Variants in NXPE4 observed in about 807,000 individuals in gnomAD.
NXPE4 encodes the protein neurexophilin and PC-esterase domain family member 4.
A neutral mutation model predicts 33.3 loss-of-function variants in NXPE4; 42 were observed. The observed-to-expected ratio is 1.26, with a 90% confidence interval of 0.98 to 1.63. The LOEUF is 1.63. Among genes scored for constraint, NXPE4 ranks in the 40% most tolerant of loss-of-function variants. NXPE4 has a pLI of 0.00. For synonymous variants in NXPE4, 253 were observed against 234.9 expected, an observed-to-expected ratio of 1.08 and a Z score of -0.71; for missense variants, 709 against 647.6, an observed-to-expected ratio of 1.09 and a Z score of -1.03.
chr11:114,626,403 C>A, the NXPE4 span, among the ~76,000 whole-genome samples: 1 of 152,304 alleles, frequency 6.6e-6, no homozygotes, highest in Admixed American at 6.5e-5. Flanking sequence ...GAGGCACCCC[C>A]CAACAGGGGC....
the NXPE4 span, among the ~76,000 whole-genome samples, chr11:114,610,303 G>C: frequency 6.6e-6 from 1 of 151,524 alleles, no homozygotes. Flanking sequence ...GTTGCCTAGT[G>C]TGTAACCACT....
At chr11:114,583,387 T>G in intron 2 of NXPE4, 1 of 625,590 alleles carries the variant, frequency 1.6e-6, no homozygotes, top group South Asian at 1.5e-5. Flanking sequence ...TGCTCAACTA[T>G]GGTTTCTACT....
the NXPE4 span, among the ~76,000 whole-genome samples, chr11:114,654,083 T>C: frequency 4.6e-5 from 7 of 152,100 alleles, no homozygotes; most frequent in Non-Finnish European, 1.0e-4. Context: ...TGAAGGTATG[T>C]ACAAAGAAGC....
At chr11:114,597,673 C>T (rs1591360311), upstream of NXPE4, among the ~76,000 whole-genome samples, 1 of 151,870 alleles carries the variant, frequency 6.6e-6, no homozygotes, top group African/African-American at 2.4e-5. Flanking sequence ...CTGGTTGATT[C>T]CATCACTTTG....
chr11:114,653,668 C>T, the NXPE4 span, among the ~76,000 whole-genome samples: 1 of 151,508 alleles, frequency 6.6e-6, no homozygotes. Flanking sequence ...GCTGGGACTA[C>T]AGGCGCCCAC....
the NXPE4 span, among the ~76,000 whole-genome samples, chr11:114,601,476 ATAAAT>A: frequency 1.1e-5 from 1 of 92,894 alleles, no homozygotes; most frequent in African/African-American, 4.0e-5. Context: ...TAAAATTTAT[ATAAAT>A]TAAATATTTA....
the NXPE4 span, among the ~76,000 whole-genome samples, chr11:114,629,169 T>G: frequency 6.6e-6 from 1 of 152,084 alleles, no homozygotes; most frequent in African/African-American, 2.4e-5. Context: ...CTAACTCATT[T>G]TATGAGGCCA....
At chr11:114,580,101 G>T in intron 5 of NXPE4, 31 bp downstream of exon 5, 1 of 1,541,898 alleles carries the variant, frequency 6.5e-7, no homozygotes, top group Non-Finnish European at 9.0e-7. Flanking sequence ...TTCTGAAAGG[G>T]GTAAGAATTA....
chr11:114,585,607 G>A (rs552690531), intron 2 of NXPE4, among the ~76,000 whole-genome samples: 3 of 151,970 alleles, frequency 2.0e-5, no homozygotes, highest in Non-Finnish European at 2.9e-5. Context: ...GTGTGTGTGT[G>A]TGTATATATA....
At chr11:114,588,948 G>T (rs574784988) in intron 2 of NXPE4, among the ~76,000 whole-genome samples, 1 of 152,082 alleles carries the variant, frequency 6.6e-6, no homozygotes, top group Non-Finnish European at 1.5e-5. Flanking sequence ...ACCTCCTGAG[G>T]GTGGCCACCT....
chr11:114,674,164 G>A, the NXPE4 span, among the ~76,000 whole-genome samples: 1 of 151,752 alleles, frequency 6.6e-6, no homozygotes, highest in African/African-American at 2.4e-5. Flanking sequence ...AAATGCCTTA[G>A]TAGTCTTTTA....
the NXPE4 span, among the ~76,000 whole-genome samples, chr11:114,669,273 A>G: frequency 2.0e-5 from 3 of 152,104 alleles, no homozygotes; most frequent in African/African-American, 4.8e-5. Flanking sequence ...AAAATCTTCT[A>G]TATCTCAGTT....
chr11:114,589,173 G>C (rs2135272173), intron 2 of NXPE4, among the ~76,000 whole-genome samples: 1 of 152,238 alleles, frequency 6.6e-6, no homozygotes, highest in Non-Finnish European at 1.5e-5. Flanking sequence ...AGCCTGTGGT[G>C]GGGACCACTG....
the NXPE4 span, among the ~76,000 whole-genome samples, chr11:114,608,055 C>T: frequency 3.3e-5 from 5 of 150,202 alleles, no homozygotes; most frequent in Admixed American, 6.7e-5. Context: ...AGTGTTTCCT[C>T]GGGGGTAACC....
the NXPE4 span, among the ~76,000 whole-genome samples, chr11:114,610,973 G>T: frequency 6.6e-6 from 1 of 150,566 alleles, no homozygotes; most frequent in African/African-American, 2.4e-5. Context: ...GTGTTGCCTC[G>T]TGGGTAACCA....
chr11:114,583,078 A>G (rs1949194645), intron 2 of NXPE4, 57 bp from the exon 3 acceptor site: 1 of 1,523,162 alleles, frequency 6.6e-7, no homozygotes, highest in African/African-American at 1.4e-5. Flanking sequence ...ATCTGAACTG[A>G]AATGACAGGA....
the NXPE4 span, among the ~76,000 whole-genome samples, chr11:114,663,641 TATCC>T: frequency 9.9e-5 from 10 of 101,120 alleles, no homozygotes; most frequent in Non-Finnish European, 1.4e-4. Flanking sequence ...ATCTATCATC[TATCC>T]ATCTATCATC....
the NXPE4 span, among the ~76,000 whole-genome samples, chr11:114,635,832 A>G: frequency 3.9e-5 from 6 of 152,038 alleles, no homozygotes; most frequent in African/African-American, 1.4e-4. Flanking sequence ...ATCATGGTGG[A>G]TAAGCTTTTT....
At chr11:114,653,257 C>T in the NXPE4 span, among the ~76,000 whole-genome samples, 1 of 152,142 alleles carries the variant, frequency 6.6e-6, no homozygotes, top group African/African-American at 2.4e-5. Context: ...TGTAAGCAAA[C>T]ATTATAAAAA....
Sources: allele counts gnomAD v4.1 joint callset (sites outside exome capture counted in the v4.1 genomes callset), GRCh38; gene constraint gnomAD v4.1.1; transcripts MANE v1.5; gene names NCBI Gene and HGNC (gene_info 2026-07-23, HGNC 2026-07-21).